POU1F1: variants seen among roughly 807,000 people sequenced by gnomAD.
The protein encoded by POU1F1 is POU class 1 homeobox 1, also known as pituitary-specific positive transcription factor 1.
In POU1F1, 23 loss-of-function variants were observed where a neutral mutation model predicts 32.3. The observed-to-expected ratio is 0.71, with a 90% CI of 0.51 to 1.01. The LOEUF (loss-of-function observed/expected upper bound fraction) is 1.01, where lower values mean the gene tolerates loss of function less well. Among genes scored for constraint, POU1F1 ranks in the 50% least tolerant of loss-of-function variants. The pLI, the probability that POU1F1 is intolerant of heterozygous loss-of-function variation, is 0.00. For missense variants in POU1F1, 323 were observed against 341.6 expected (o/e 0.95, Z 0.43); for synonymous variants, 120 against 115.6 (o/e 1.04, Z -0.25).
chr3:87,275,881 A>G (rs1242718560), intron 1 of POU1F1, among the ~76,000 whole-genome samples: 1 of 152,162 alleles, frequency 6.6e-6, no homozygotes, highest in Non-Finnish European at 1.5e-5. Flanking sequence ...GTTGTGTTTA[A>G]TATAAGGTTT....
In POU1F1 at chr3:87,260,094, T is replaced by C. The variant is rs779164965; in HGVS notation, c.676A>G (p.Lys226Glu). The C allele has an allele frequency of 4.3e-6, 7 of 1,613,718 alleles. No individual in the cohort carries two copies. The highest frequency in any genetic ancestry group is 5.9e-6 in the Non-Finnish European group (7 of 1,179,818). ...CCAAAGTGTCTCTCCAGAGCATCTT[T>C]AGCAGCAATGCTGGCGGGGGGTGGA... ...KRRTTISIAA[K>E]DALERHFGEQ... is the part of the protein sequence containing the mutation. Residue 226 changes from lysine (K) to glutamate (E), a missense_variant, in exon 6 of 6, where the codon AAA becomes GAA. Coordinates refer to ENST00000350375, the MANE Select transcript of POU1F1 (RefSeq NM_000306.4).
intron 2 of POU1F1, among the ~76,000 whole-genome samples, chr3:87,268,086 T>C (rs1179260613): frequency 0.017 from 2,267 of 133,742 alleles, 46 homozygotes; most frequent in Non-Finnish European, 0.026. Context: ...CCCTTTCCCT[T>C]TTTTTTTTTT....
intron 2 of POU1F1, among the ~76,000 whole-genome samples, chr3:87,265,348 A>G (rs1337620870): frequency 3.3e-5 from 5 of 152,112 alleles, no homozygotes; most frequent in African/African-American, 7.2e-5. Flanking sequence ...GACTCTACTG[A>G]GTGGATATGT....
intron 1 of POU1F1, among the ~76,000 whole-genome samples, chr3:87,273,834 T>A (rs1706774014): frequency 1.3e-5 from 2 of 152,162 alleles, no homozygotes. Context: ...AGAAGAATAG[T>A]CCTTTAAAAT....
intron 2 of POU1F1, among the ~76,000 whole-genome samples, chr3:87,265,501 T>C (rs1706602824): frequency 6.6e-6 from 1 of 152,234 alleles, no homozygotes; most frequent in East Asian, 1.9e-4. Flanking sequence ...TTTTGTTTCT[T>C]GTTTTCTTTA....
intron 2 of POU1F1, among the ~76,000 whole-genome samples, chr3:87,270,753 T>G (rs1447904337): frequency 6.6e-6 from 1 of 152,104 alleles, no homozygotes; most frequent in Non-Finnish European, 1.5e-5. Flanking sequence ...TATTGTGTAC[T>G]TTATACATTT....
intron 2 of POU1F1, among the ~76,000 whole-genome samples, chr3:87,267,437 A>C (rs943397268): frequency 6.6e-6 from 1 of 152,192 alleles, no homozygotes; most frequent in African/African-American, 2.4e-5. Flanking sequence ...TTCATTCTCC[A>C]GGCAGTCTAT....
chr3:87,271,121 GT>G (rs1706714143), intron 2 of POU1F1, among the ~76,000 whole-genome samples: 1 of 152,058 alleles, frequency 6.6e-6, no homozygotes, highest in African/African-American at 2.4e-5. Context: ...CTAAGACAGG[GT>G]TTTGAATCAT....
At chr3:87,264,661 G>A in intron 2 of POU1F1, 149 bp from the exon 3 acceptor site, 2 of 680,444 alleles carry the variant, frequency 2.9e-6, no homozygotes, top group Non-Finnish European at 5.1e-6. Context: ...GTCTTCCGAA[G>A]AAGGAGTCAA....
chr3:87,267,706 C>T (rs1276096273), intron 2 of POU1F1, among the ~76,000 whole-genome samples: 1 of 152,134 alleles, frequency 6.6e-6, no homozygotes, highest in South Asian at 2.1e-4. Context: ...TTTCTGGCCT[C>T]AAGCCATCCT....
intron 2 of POU1F1, among the ~76,000 whole-genome samples, chr3:87,271,519 C>T (rs1706719749): frequency 1.3e-5 from 2 of 152,178 alleles, no homozygotes; most frequent in Admixed American, 1.3e-4. Flanking sequence ...AACAATGTAC[C>T]TTGGTTCCTG....
At position 87,267,757 on chromosome 3, in the gene POU1F1, G is replaced by A. The variant is rs150802728; in HGVS notation, c.215-3245C>T. ...TAAGTAGAATCTACAGGCATGCACC[G>A]CCATGCTCATCTACTTTTTTAAATT... is the stretch of plus-strand genomic sequence containing the variant. On this transcript the variant is annotated intron_variant, in intron 2 of 5. Coordinates refer to ENST00000350375, the MANE Select transcript of POU1F1 (RefSeq NM_000306.4). 3.6e-3 allele frequency among the ~76,000 whole-genome samples: 553 copies of A among 152,088 alleles called. 3 individuals carry two copies. The highest frequency in any genetic ancestry group is 0.013 in the African/African-American group (526 of 41,492).
chr3:87,275,846 T>C (rs1040213630), intron 1 of POU1F1, among the ~76,000 whole-genome samples: 7 of 152,134 alleles, frequency 4.6e-5, no homozygotes, highest in Non-Finnish European at 8.8e-5. Context: ...ATGAAATCCA[T>C]TGTTGTTGAT....
intron 2 of POU1F1, among the ~76,000 whole-genome samples, chr3:87,265,131 T>A (rs1706593275): frequency 6.6e-6 from 1 of 152,056 alleles, no homozygotes. Flanking sequence ...TATATTAATA[T>A]GGCTAAATAG....
intron 2 of POU1F1, among the ~76,000 whole-genome samples, chr3:87,266,213 AGTT>A (rs925579812): frequency 3.4e-5 from 5 of 147,368 alleles, no homozygotes; most frequent in Admixed American, 6.8e-5. Context: ...ATAAATATGT[AGTT>A]ATTTATTTAA....
chr3:87,260,862 A>C, intron 5 of POU1F1, among the ~76,000 whole-genome samples: 1 of 142,286 alleles, frequency 7.0e-6, no homozygotes, highest in African/African-American at 2.6e-5. Context: ...TTACATTATT[A>C]TTATTTTTTT....
intron 2 of POU1F1, among the ~76,000 whole-genome samples, chr3:87,265,102 G>T (rs370841736): frequency 2.3e-4 from 35 of 152,106 alleles, no homozygotes; most frequent in African/African-American, 7.9e-4. Flanking sequence ...GGCAGAAAGA[G>T]AATGATGAGA....
intron 3 of POU1F1, among the ~76,000 whole-genome samples, chr3:87,263,260 A>G (rs1239293991): frequency 1.3e-5 from 2 of 152,186 alleles, no homozygotes; most frequent in African/African-American, 2.4e-5. Flanking sequence ...ATTAAATAAT[A>G]TACTTTACAC....
intron 2 of POU1F1, among the ~76,000 whole-genome samples, chr3:87,271,156 T>C (rs1044599215): frequency 6.6e-6 from 1 of 152,124 alleles, no homozygotes; most frequent in Non-Finnish European, 1.5e-5. Context: ...TCCAGGGGTC[T>C]TTACATTTTA....
Sources: allele counts gnomAD v4.1 joint callset (sites outside exome capture counted in the v4.1 genomes callset), GRCh38; gene constraint gnomAD v4.1.1; transcripts MANE v1.5; gene names NCBI Gene and HGNC (gene_info 2026-07-23, HGNC 2026-07-21).